Variants in MAP3K5 observed in about 807,000 individuals in gnomAD.
The protein encoded by MAP3K5 is mitogen-activated protein kinase kinase kinase 5, also known as ASK-1.
Under a neutral mutation model 158.7 loss-of-function variants are expected in MAP3K5, and 56 were observed. The ratio of observed to expected loss-of-function variants is 0.35; its 90% CI spans 0.28 to 0.44. The LOEUF (loss-of-function observed/expected upper bound fraction) is 0.44, where lower values mean the gene tolerates loss of function less well. Among genes scored for constraint, MAP3K5 ranks in the 20% least tolerant of loss-of-function variants. The pLI, the probability that MAP3K5 is intolerant of heterozygous loss-of-function variation, is 1.00. For missense variants in MAP3K5, 1,294 were observed against 1,674.8 expected, an observed-to-expected ratio of 0.77 and a Z score of 3.97; for synonymous variants, 579 against 601.7, an observed-to-expected ratio of 0.96 and a Z score of 0.55.
intron 8 of MAP3K5, among the ~76,000 whole-genome samples, chr6:136,665,398 G>A (rs1347609870): frequency 6.6e-6 from 1 of 150,462 alleles, no homozygotes; most frequent in African/African-American, 2.5e-5. Context: ...CCAGGCTGGA[G>A]TGCAGTGGCA....
At chr6:136,560,581 G>C (rs1277496296) in intron 28 of MAP3K5, among the ~76,000 whole-genome samples, 1 of 152,170 alleles carries the variant, frequency 6.6e-6, no homozygotes, top group Non-Finnish European at 1.5e-5. Flanking sequence ...AAGTCGACCA[G>C]ATTGATTTTA....
rs767203437 is a variant in MAP3K5, at chr6:136,698,522, A to T, written c.773T>A (p.Ile258Asn). Residue 258 changes from isoleucine (I) to asparagine (N), a missense_variant, in exon 4 of 30, where the codon ATT (isoleucine) becomes AAT (asparagine). Physicochemically the swap from Ile to Asn is moderately radical, Grantham distance 149. This residue lies in a region of MAP3K5 where 690 missense variants were observed against 870.5 expected (regional missense o/e 0.79). Transcript: ENST00000359015. ...TGCTTGTGCCACCTTCAAAAGTTGA[A>T]TAAAACGATCCACAAGAGGTAAGCA... is the stretch of plus-strand genomic sequence containing the variant. ...PICLPLVDRF[I>N]QLLKVAQASS... 31 of 1,613,888 alleles carry T rather than the reference A, an allele frequency of 1.9e-5. 1 individual carries two copies. In the Admixed American group the frequency reaches 2.5e-4, roughly 13 times the overall value.
intron 12 of MAP3K5, among the ~76,000 whole-genome samples, chr6:136,641,859 G>A (rs1398549400): frequency 6.6e-6 from 1 of 151,504 alleles, no homozygotes; most frequent in African/African-American, 2.4e-5. Context: ...ATGGTGACAT[G>A]CGCCCGTAAT....
intron 2 of MAP3K5, among the ~76,000 whole-genome samples, chr6:136,719,033 G>A (rs1379421157): frequency 6.6e-6 from 1 of 152,052 alleles, no homozygotes; most frequent in African/African-American, 2.4e-5. Flanking sequence ...AAAATTAGCT[G>A]GGTGAGGTAG....
At chr6:136,726,633 G>C (rs969042046) in intron 1 of MAP3K5, among the ~76,000 whole-genome samples, 1 of 151,856 alleles carries the variant, frequency 6.6e-6, no homozygotes, top group African/African-American at 2.4e-5. Flanking sequence ...ACTTACTTAG[G>C]CCGTCGTTTT....
In MAP3K5 at chr6:136,609,835, T is replaced by C. The variant is rs1776253490; in HGVS notation, c.2521+1447A>G. 6.6e-6 allele frequency among the ~76,000 whole-genome samples: 1 copy of C among 150,878 alleles called. No homozygotes were observed. The highest frequency in any genetic ancestry group is 2.1e-4 in the South Asian group (1 of 4,770). ...AACAAAAAAACAGTTTTGCCAGGCA[T>C]GACATCCTAGATACTTAGGAGAGTG... On this transcript the variant is annotated intron_variant, in intron 18 of 29. Coordinates refer to ENST00000359015, the MANE Select transcript of MAP3K5 (RefSeq NM_005923.4). This position sits in a 1 kb window ranked among gnomAD's most constrained non-coding sequence, Gnocchi z 4.4.
rs1784456496 is a variant in MAP3K5, at chr6:136,777,785, T to A, written c.448+13925A>T. Among the ~76,000 whole-genome samples, 4 of 140,398 alleles carry A rather than the reference T, an allele frequency of 2.8e-5. No homozygotes were observed. In the South Asian group the frequency reaches 9.3e-4, roughly 33 times the overall value. The allele number at this position is 140,398 out of a possible 152,430, so 92.1% of individuals were successfully genotyped here. The stretch of plus-strand genomic sequence containing the variant: ...TTATTATCTAAAGGAACCTGGTTTG[T>A]TTATTTTCTATTCTTATTCTGGCCC... On this transcript the variant is annotated intron_variant, in intron 1 of 29. Transcript: ENST00000359015.
intron 11 of MAP3K5, among the ~76,000 whole-genome samples, chr6:136,648,518 T>A: frequency 6.6e-6 from 1 of 152,182 alleles, no homozygotes; most frequent in East Asian, 1.9e-4. Flanking sequence ...AATGGATGTT[T>A]TTCTCCATGC....
chr6:136,632,301 A>AGGT (rs1361655173), intron 14 of MAP3K5, among the ~76,000 whole-genome samples: 1 of 152,100 alleles, frequency 6.6e-6, no homozygotes, highest in East Asian at 1.9e-4. Context: ...CAGGCAGATC[A>AGGT]CTTGAGGTCA....
At chr6:136,668,484 A>C (rs1400666240) in intron 8 of MAP3K5, among the ~76,000 whole-genome samples, 2 of 152,190 alleles carry the variant, frequency 1.3e-5, no homozygotes, top group African/African-American at 4.8e-5. Flanking sequence ...AACAAGGCTG[A>C]ATATTTCTAT....
chr6:136,586,045 A>G (rs1481619724), intron 23 of MAP3K5, among the ~76,000 whole-genome samples: 1 of 152,240 alleles, frequency 6.6e-6, no homozygotes, highest in Non-Finnish European at 1.5e-5. Flanking sequence ...ATATATTTTC[A>G]TTTGGAAGCT....
intron 14 of MAP3K5, among the ~76,000 whole-genome samples, chr6:136,635,547 T>C (rs1177629585): frequency 6.6e-6 from 1 of 152,082 alleles, no homozygotes; most frequent in Non-Finnish European, 1.5e-5. Context: ...ATCAAAGCTA[T>C]ACAATTGCTA....
chr6:136,557,897 A>G (rs968502863), intron 29 of MAP3K5, 79 bp from the exon 30 acceptor site: 3 of 900,998 alleles, frequency 3.3e-6, no homozygotes, highest in Non-Finnish European at 5.7e-6. Context: ...GTGACTTCTT[A>G]GCTTTCATCT....
chr6:136,715,661 T>C lies in MAP3K5; in HGVS notation c.588+4789A>G, dbSNP rs542370545. 3.3e-5 allele frequency among the ~76,000 whole-genome samples: 5 copies of C among 152,140 alleles called. No individual in the cohort carries two copies. The South Asian group carries it at 1.0e-3, about 31-fold the overall frequency. The stretch of plus-strand genomic sequence containing the variant: ...AAGTAATTTTTTTACCCCAACACTG[T>C]TGTTTTGAGATATATTGATATTGAC... On this transcript the variant is annotated intron_variant, in intron 2 of 29. Coordinates refer to ENST00000359015, the MANE Select transcript of MAP3K5 (RefSeq NM_005923.4).
intron 23 of MAP3K5, 127 bp from the exon 24 acceptor site, chr6:136,583,867 T>C: frequency 1.3e-6 from 1 of 791,810 alleles, no homozygotes; most frequent in Non-Finnish European, 2.0e-6. Context: ...CTCACTATAT[T>C]GCCCAGGCTG....
At position 136,642,544 on chromosome 6, in the gene MAP3K5, C is replaced by CT. The variant is rs1562572237; in HGVS notation, c.1813dup (p.Ser605LysfsTer12). The CT allele has an allele frequency of 6.2e-7, 1 of 1,610,520 alleles. No homozygotes were observed. On this transcript the variant is annotated frameshift_variant, in exon 12 of 30. Coordinates refer to ENST00000359015, the MANE Select transcript of MAP3K5 (RefSeq NM_005923.4). LOFTEE classifies it high-confidence loss of function. ...CCTCACTCCCCTGACAGAAGAGGCACTAAAATTCCACTCATGTATACCTTT... is the reference window on the plus strand; with the variant it reads ...CCTCACTCCCCTGACAGAAGAGGCACTTAAAATTCCACTCATGTATACCTTT...
chr6:136,587,139 A>G (rs148836676), intron 23 of MAP3K5, among the ~76,000 whole-genome samples: 1 of 152,322 alleles, frequency 6.6e-6, no homozygotes, highest in African/African-American at 2.4e-5. Context: ...CCAGGAAAGG[A>G]TTTCAGAAGG....
intron 26 of MAP3K5, among the ~76,000 whole-genome samples, chr6:136,563,135 C>T (rs1050105953): frequency 4.6e-5 from 7 of 152,084 alleles, no homozygotes; most frequent in African/African-American, 1.7e-4. Flanking sequence ...TTCACAGACC[C>T]TCAGGTCCAG....
chr6:136,698,413 T>C, intron 4 of MAP3K5, 76 bp downstream of exon 4: 2 of 1,273,750 alleles, frequency 1.6e-6, no homozygotes, highest in South Asian at 2.7e-5. Flanking sequence ...CAGGAGCACC[T>C]GATATCATGC....
Sources: gnomAD v4.1 joint callset for allele counts (sites outside exome capture counted in the v4.1 genomes callset) on GRCh38, gnomAD v4.1.1 for gene constraint, gnomAD v4.1.1 regional missense constraint, Gnocchi (gnomAD v3.1) non-coding constraint, MANE v1.5 for transcripts, NCBI Gene and HGNC (gene_info 2026-07-23, HGNC 2026-07-21) for gene names.